Variants in SUCLG2 observed in about 807,000 individuals in gnomAD.
SUCLG2 encodes the protein succinate-CoA ligase GDP-forming subunit beta.
A neutral mutation model predicts 47.9 loss-of-function variants in SUCLG2; 42 were observed. The observed-to-expected ratio is 0.88, with a 90% CI of 0.69 to 1.14. The LOEUF (loss-of-function observed/expected upper bound fraction) is 1.14, where lower values mean the gene tolerates loss of function less well. Ranked by LOEUF, SUCLG2 falls within the 50% of genes most tolerant of loss-of-function variation. The pLI is 0.00. For missense variants in SUCLG2, 571 were observed against 525.9 expected (o/e 1.09, Z -0.84); for synonymous variants, 195 against 197.3 (o/e 0.99, Z 0.10).
At chr3:67,583,447 T>A (rs1707932575) in intron 2 of SUCLG2, among the ~76,000 whole-genome samples, 1 of 152,216 alleles carries the variant, frequency 6.6e-6, no homozygotes, top group Non-Finnish European at 1.5e-5. Context: ...TAATTTACCA[T>A]AAGATCTAGC....
At chr3:67,616,228 G>T (rs569755448) in intron 1 of SUCLG2, among the ~76,000 whole-genome samples, 1 of 152,102 alleles carries the variant, frequency 6.6e-6, no homozygotes, top group Non-Finnish European at 1.5e-5. Context: ...AACGTTTGAC[G>T]TGTTAACCAC....
chr3:67,528,036 GCAGTA>G, intron 4 of SUCLG2, 91 bp downstream of exon 4: 1 of 1,059,072 alleles, frequency 9.4e-7, no homozygotes, highest in Non-Finnish European at 1.4e-6. Context: ...CTGCCAAAGA[GCAGTA>G]CTTCATTAGA....
At chr3:67,576,129 T>G (rs891291544) in intron 2 of SUCLG2, among the ~76,000 whole-genome samples, 1 of 152,212 alleles carries the variant, frequency 6.6e-6, no homozygotes, top group Non-Finnish European at 1.5e-5. Context: ...CAGCAGAGTT[T>G]CTGTGGACAT....
intron 9 of SUCLG2, among the ~76,000 whole-genome samples, chr3:67,474,927 A>T (rs538458288): frequency 2.6e-5 from 4 of 151,798 alleles, no homozygotes; most frequent in African/African-American, 7.3e-5. Context: ...TACTTTCCCA[A>T]CCCTCAGAAT....
intron 9 of SUCLG2, among the ~76,000 whole-genome samples, chr3:67,409,311 A>C (rs1043144709): frequency 2.0e-5 from 3 of 152,160 alleles, no homozygotes; most frequent in African/African-American, 7.2e-5. Flanking sequence ...CCATGTCTGA[A>C]ACACTGAAAT....
intron 9 of SUCLG2, among the ~76,000 whole-genome samples, chr3:67,470,173 C>T (rs181133234): frequency 1.3e-5 from 2 of 151,856 alleles, no homozygotes; most frequent in East Asian, 3.9e-4. Flanking sequence ...TAGAATGTAA[C>T]TAACTTTAAT....
chr3:67,650,966 G>A (rs1701275760), intron 1 of SUCLG2, among the ~76,000 whole-genome samples: 1 of 152,018 alleles, frequency 6.6e-6, no homozygotes, highest in African/African-American at 2.4e-5. Context: ...TGCCCACCAT[G>A]GCAGTGCCTG....
At chr3:67,429,498 C>T (rs1256446378) in intron 9 of SUCLG2, among the ~76,000 whole-genome samples, 1 of 152,118 alleles carries the variant, frequency 6.6e-6, no homozygotes, top group African/African-American at 2.4e-5. Flanking sequence ...CAAAAACGTG[C>T]CAAGTTGTAA....
At chr3:67,363,480 G>C (rs1366684910) in intron 10 of SUCLG2, among the ~76,000 whole-genome samples, 1 of 152,076 alleles carries the variant, frequency 6.6e-6, no homozygotes, top group East Asian at 1.9e-4. Flanking sequence ...AGGTGATGGT[G>C]GCTAGAAAAA....
intron 9 of SUCLG2, among the ~76,000 whole-genome samples, chr3:67,455,024 C>T (rs1408895507): frequency 6.6e-6 from 1 of 151,624 alleles, no homozygotes. Flanking sequence ...ATGCAGCCTG[C>T]AGTGAAATAT....
At chr3:67,606,016 C>G (rs1469468408) in intron 2 of SUCLG2, among the ~76,000 whole-genome samples, 1 of 151,896 alleles carries the variant, frequency 6.6e-6, no homozygotes, top group Admixed American at 6.6e-5. Flanking sequence ...CTGGGCAACA[C>G]AGAGAGACCC....
chr3:67,388,918 C>G (rs1347785827), intron 10 of SUCLG2, among the ~76,000 whole-genome samples: 4 of 152,054 alleles, frequency 2.6e-5, no homozygotes, highest in African/African-American at 9.7e-5. Context: ...GGTAGAGGAT[C>G]AGAAGTCAGT....
intron 9 of SUCLG2, among the ~76,000 whole-genome samples, chr3:67,462,008 T>C (rs1704349376): frequency 2.0e-5 from 3 of 152,156 alleles, no homozygotes; most frequent in South Asian, 2.1e-4. Flanking sequence ...ATTCAGAATT[T>C]AGTTTGCAGG....
At chr3:67,598,479 G>A (rs531718845) in intron 2 of SUCLG2, among the ~76,000 whole-genome samples, 46 of 152,284 alleles carry the variant, frequency 3.0e-4, no homozygotes, top group African/African-American at 1.1e-3. Context: ...CAAACCAATA[G>A]GGATGATCAC....
At chr3:67,393,044 A>T (rs1702428096) in intron 10 of SUCLG2, among the ~76,000 whole-genome samples, 1 of 152,198 alleles carries the variant, frequency 6.6e-6, no homozygotes, top group African/African-American at 2.4e-5. Flanking sequence ...AAGGCAGCCA[A>T]GATGGCCGAA....
chr3:67,468,133 ATCGAAC>A (rs1704518996), intron 9 of SUCLG2, among the ~76,000 whole-genome samples: 1 of 152,186 alleles, frequency 6.6e-6, no homozygotes, highest in Non-Finnish European at 1.5e-5. Context: ...AGGCAAAAAA[ATCGAAC>A]TCACTCAAAC....
At position 67,648,151 on chromosome 3, in the gene SUCLG2, T is replaced by C. The variant is rs560958903; in HGVS notation, c.84+6352A>G. On this transcript the variant is annotated intron_variant, in intron 1 of 10. Coordinates refer to ENST00000307227, the MANE Select transcript of SUCLG2 (RefSeq NM_003848.4). Reference sequence around the variant, plus strand: ...GATCCCCTTTTCAAGTAACAGTAAATTGAGGCTCAGTCAGGTTCAATAATT... The same window carrying C: ...GATCCCCTTTTCAAGTAACAGTAAACTGAGGCTCAGTCAGGTTCAATAATT... Among the ~76,000 whole-genome samples the C allele has an allele frequency of 3.9e-5, 6 of 152,276 alleles. No individual in the cohort carries two copies. The East Asian group carries it at 1.2e-3, about 29-fold the overall frequency.
chr3:67,461,450 T>C (rs1025654215), intron 9 of SUCLG2, among the ~76,000 whole-genome samples: 2 of 152,120 alleles, frequency 1.3e-5, no homozygotes, highest in Non-Finnish European at 2.9e-5. Flanking sequence ...GATGGCATTC[T>C]GAGGGGGAAG....
intron 1 of SUCLG2, among the ~76,000 whole-genome samples, chr3:67,610,866 G>A (rs191645348): frequency 1.2e-4 from 18 of 152,240 alleles, no homozygotes; most frequent in Admixed American, 1.1e-3. Flanking sequence ...TGTATTCATG[G>A]AGCTCTTTTG....
Sources: gnomAD v4.1 joint callset for allele counts (sites outside exome capture counted in the v4.1 genomes callset) on GRCh38, gnomAD v4.1.1 for gene constraint, MANE v1.5 for transcripts, NCBI Gene and HGNC (gene_info 2026-07-23, HGNC 2026-07-21) for gene names.